RGS7: variants seen among roughly 807,000 people sequenced by gnomAD.
RGS7 encodes the protein regulator of G-protein signaling 7.
A neutral mutation model predicts 81.1 loss-of-function variants in RGS7; 27 were observed. The ratio of observed to expected loss-of-function variants is 0.33; its 90% confidence interval spans 0.25 to 0.46. RGS7 has a LOEUF of 0.46. RGS7 is among the 20% of genes least tolerant of loss of function. The pLI is 1.00. For synonymous variants in RGS7, 208 were observed against 207.7 expected, an observed-to-expected ratio of 1.00 and a Z score of -0.01; for missense variants, 396 against 607.4, an observed-to-expected ratio of 0.65 and a Z score of 3.66.
chr1:241,124,960 A>T (rs2066546644), intron 2 of RGS7, among the ~76,000 whole-genome samples: 1 of 152,220 alleles, frequency 6.6e-6, no homozygotes. Flanking sequence ...CTTGGAGACT[A>T]AAGCATTTGC....
intron 9 of RGS7, among the ~76,000 whole-genome samples, chr1:240,847,933 T>A (rs187066364): frequency 6.6e-6 from 1 of 152,160 alleles, no homozygotes; most frequent in Non-Finnish European, 1.5e-5. Flanking sequence ...CATCTATTCA[T>A]AGAATTCACA....
intron 18 of RGS7, among the ~76,000 whole-genome samples, chr1:240,779,614 G>A (rs1572037523): frequency 6.6e-6 from 1 of 152,148 alleles, no homozygotes. Flanking sequence ...CTAGAACTGT[G>A]AGAGATAAAT....
intron 3 of RGS7, among the ~76,000 whole-genome samples, chr1:240,995,238 T>C (rs961257872): frequency 6.6e-6 from 1 of 152,190 alleles, no homozygotes; most frequent in Non-Finnish European, 1.5e-5. Flanking sequence ...CTAAATTCTA[T>C]TTGTTATATT....
chr1:241,067,896 TTA>T (rs2148856038), intron 3 of RGS7, among the ~76,000 whole-genome samples: 1 of 152,104 alleles, frequency 6.6e-6, no homozygotes, highest in Non-Finnish European at 1.5e-5. Context: ...CAATAAAAAT[TTA>T]TGTTTTCTAA....
At chr1:240,876,714 C>G (rs527470092) in intron 6 of RGS7, among the ~76,000 whole-genome samples, 2 of 152,238 alleles carry the variant, frequency 1.3e-5, no homozygotes, top group East Asian at 3.9e-4. Flanking sequence ...GTAATCCTAG[C>G]ATTTTGGGAG....
rs778313541 is a variant in RGS7 at position 240,933,084 on chromosome 1, G to A, written c.334-2316C>T. 3.6e-4 allele frequency among the ~76,000 whole-genome samples: 54 copies of A among 149,652 alleles called. 2 individuals are homozygous for A. Among genetic ancestry groups the A allele is most frequent in the Middle Eastern group, 3.4e-3 (1 of 292 alleles). On this transcript the variant is annotated intron_variant, in intron 5 of 18. Transcript: ENST00000440928. ...TTTTCAGTAGAGACGGGGTTTCACC[G>A]TGTTAGCCAGGATGGTCTCCATCTC...
intron 3 of RGS7, among the ~76,000 whole-genome samples, chr1:241,040,652 G>A (rs576747592): frequency 3.9e-5 from 6 of 151,948 alleles, no homozygotes; most frequent in South Asian, 2.1e-4. Flanking sequence ...CACCATACCC[G>A]GCTAATTTTG....
chr1:241,172,493 AC>A (rs1217979217), intron 2 of RGS7, among the ~76,000 whole-genome samples: 1 of 152,194 alleles, frequency 6.6e-6, no homozygotes, highest in African/African-American at 2.4e-5. Context: ...TGGAATTTAT[AC>A]CTTTTTTTTA....
At chr1:240,963,866 G>A (rs1681865560) in intron 4 of RGS7, among the ~76,000 whole-genome samples, 1 of 152,214 alleles carries the variant, frequency 6.6e-6, no homozygotes, top group Admixed American at 6.5e-5. Flanking sequence ...AGAATGAAAT[G>A]TTGGGCATGG....
Position 241,219,561 on chromosome 1 carries a change from T to A in RGS7, c.79-120799A>T, listed in dbSNP as rs56060073. Among the ~76,000 whole-genome samples, 3 of 152,262 alleles carry A rather than the reference T, an allele frequency of 2.0e-5. No individual in the cohort carries two copies. In the South Asian group the frequency reaches 6.2e-4, roughly 32 times the overall value. ...TTACCCGAGTCACAGTCTGAGATGG[T>A]CAGAGTTATGGCTTCCTTTCAGGTA... On this transcript the variant is annotated intron_variant, in intron 2 of 18. Transcript: ENST00000440928.
intron 3 of RGS7, among the ~76,000 whole-genome samples, chr1:241,027,379 T>C (rs1038172278): frequency 6.6e-6 from 1 of 152,152 alleles, no homozygotes. Flanking sequence ...TCGTTTTAAT[T>C]CTAACTGCAG....
intron 4 of RGS7, among the ~76,000 whole-genome samples, chr1:240,970,303 G>T (rs1375711756): frequency 2.0e-5 from 3 of 152,152 alleles, no homozygotes; most frequent in African/African-American, 7.2e-5. Flanking sequence ...CCCTACTTTG[G>T]CAATGAAAAC....
intron 2 of RGS7, among the ~76,000 whole-genome samples, chr1:241,242,281 T>C (rs2076296089): frequency 6.6e-6 from 1 of 151,786 alleles, no homozygotes; most frequent in African/African-American, 2.4e-5. Flanking sequence ...GCAAATGCCA[T>C]TATTCCGTTC....
intron 2 of RGS7, among the ~76,000 whole-genome samples, chr1:241,251,999 A>T (rs2076853278): frequency 6.6e-6 from 1 of 151,786 alleles, no homozygotes; most frequent in African/African-American, 2.4e-5. Flanking sequence ...GTCCCTCATA[A>T]GCAGAGGCCA....
intron 2 of RGS7, among the ~76,000 whole-genome samples, chr1:241,129,394 C>G (rs560944648): frequency 6.6e-6 from 1 of 152,214 alleles, no homozygotes; most frequent in East Asian, 1.9e-4. Context: ...AGATTCTTTC[C>G]GTATTCTGAC....
At chr1:240,927,908 G>A (rs1016877705) in intron 6 of RGS7, among the ~76,000 whole-genome samples, 5 of 152,208 alleles carry the variant, frequency 3.3e-5, no homozygotes, top group African/African-American at 9.6e-5. Context: ...CCAGTGGATG[G>A]TAACATGTGT....
At chr1:240,852,882 TG>T (rs1274157126) in intron 9 of RGS7, among the ~76,000 whole-genome samples, 1 of 152,198 alleles carries the variant, frequency 6.6e-6, no homozygotes, top group Admixed American at 6.5e-5. Flanking sequence ...GGCACTTTTC[TG>T]AACAGTGAAA....
intron 6 of RGS7, among the ~76,000 whole-genome samples, chr1:240,922,311 T>A (rs1572778343): frequency 6.6e-6 from 1 of 152,094 alleles, no homozygotes; most frequent in East Asian, 1.9e-4. Flanking sequence ...TGACCTTGAG[T>A]TTGGCAATGA....
intron 2 of RGS7, among the ~76,000 whole-genome samples, chr1:241,206,592 C>A (rs2147889677): frequency 6.6e-6 from 1 of 152,284 alleles, no homozygotes; most frequent in East Asian, 1.9e-4. Context: ...CTTTGGCATA[C>A]AACGTGAGAA....
Sources: gnomAD v4.1 joint callset for allele counts (sites outside exome capture counted in the v4.1 genomes callset) on GRCh38, gnomAD v4.1.1 for gene constraint, MANE v1.5 for transcripts, NCBI Gene and HGNC (gene_info 2026-07-23, HGNC 2026-07-21) for gene names.